ATRNL1: variants seen among roughly 807,000 people sequenced by gnomAD.
ATRNL1 encodes the protein attractin-like protein 1.
A neutral mutation model predicts 182.7 loss-of-function variants in ATRNL1; 95 were observed. That is an observed-to-expected ratio of 0.52 (90% CI 0.44 to 0.62). The LOEUF (loss-of-function observed/expected upper bound fraction) is 0.62. Among genes scored for constraint, ATRNL1 ranks in the 20% least tolerant of loss-of-function variants. ATRNL1 has a pLI of 0.00. For missense variants in ATRNL1, 1,471 were observed against 1,679.5 expected (o/e 0.88, Z 2.17); for synonymous variants, 576 against 568.3 (o/e 1.01, Z -0.19).
chr10:115,239,007 A>G (rs1850299246), intron 9 of ATRNL1, among the ~76,000 whole-genome samples: 1 of 152,066 alleles, frequency 6.6e-6, no homozygotes, highest in South Asian at 2.1e-4. Context: ...TTGTTAGCTT[A>G]TCGACATGAT....
At chr10:115,380,013 G>A (rs556651639) in intron 19 of ATRNL1, among the ~76,000 whole-genome samples, 1 of 152,150 alleles carries the variant, frequency 6.6e-6, no homozygotes, top group South Asian at 2.1e-4. Flanking sequence ...TGTATTTTTA[G>A]TAGAGACGGG....
At chr10:115,740,637 C>G (rs1555067401) in intron 27 of ATRNL1, among the ~76,000 whole-genome samples, 1 of 152,104 alleles carries the variant, frequency 6.6e-6, no homozygotes, top group Non-Finnish European at 1.5e-5. Context: ...TCTTGAGTAG[C>G]TGGGAATACA....
intron 26 of ATRNL1, among the ~76,000 whole-genome samples, chr10:115,565,462 G>T (rs1854019190): frequency 6.6e-6 from 1 of 151,994 alleles, no homozygotes; most frequent in Non-Finnish European, 1.5e-5. Flanking sequence ...GTAATTGCAT[G>T]GTTATTATGT....
intron 28 of ATRNL1, among the ~76,000 whole-genome samples, chr10:115,901,142 G>A (rs1370825302): frequency 2.6e-5 from 4 of 152,144 alleles, no homozygotes; most frequent in African/African-American, 7.2e-5. Flanking sequence ...TCTCTTAAGA[G>A]TTAATTAATT....
chr10:115,197,923 A>G (rs1206678461), intron 8 of ATRNL1, among the ~76,000 whole-genome samples: 1 of 152,162 alleles, frequency 6.6e-6, no homozygotes, highest in African/African-American at 2.4e-5. Flanking sequence ...ACTTAGGTTG[A>G]TGAGCCCTTA....
intron 26 of ATRNL1, among the ~76,000 whole-genome samples, chr10:115,581,185 A>G (rs1345080565): frequency 6.6e-6 from 1 of 152,184 alleles, no homozygotes; most frequent in African/African-American, 2.4e-5. Context: ...AATGTACCTC[A>G]CTAATCAATT....
chr10:115,604,083 T>G (rs1313254885), intron 26 of ATRNL1, among the ~76,000 whole-genome samples: 2 of 152,190 alleles, frequency 1.3e-5, no homozygotes, highest in African/African-American at 4.8e-5. Context: ...TTTACTGACT[T>G]ATTTTTCTCT....
At chr10:115,717,106 A>T (rs1555056511) in intron 26 of ATRNL1, among the ~76,000 whole-genome samples, 1 of 152,138 alleles carries the variant, frequency 6.6e-6, no homozygotes, top group East Asian at 1.9e-4. Context: ...GGCCTTTTGT[A>T]TTAAAAAAGG....
chr10:115,240,379 G>A (rs112352944), intron 9 of ATRNL1, among the ~76,000 whole-genome samples: 5,310 of 151,834 alleles, frequency 0.035, 141 homozygotes, highest in Non-Finnish European at 0.053. Flanking sequence ...AGCCTCCCGA[G>A]TAGCTGGGAC....
chr10:115,752,643 T>C (rs782624639), intron 27 of ATRNL1, among the ~76,000 whole-genome samples: 1 of 152,072 alleles, frequency 6.6e-6, no homozygotes, highest in Non-Finnish European at 1.5e-5. Context: ...CATAAGCAAG[T>C]ACTATGTTGT....
chr10:115,504,891 G>A (rs962490679), intron 24 of ATRNL1, among the ~76,000 whole-genome samples: 3 of 152,016 alleles, frequency 2.0e-5, no homozygotes, highest in Non-Finnish European at 4.4e-5. Context: ...CATGCCTATA[G>A]AAGTACATCT....
chr10:115,657,935 AT>A, intron 26 of ATRNL1, among the ~76,000 whole-genome samples: 1 of 152,258 alleles, frequency 6.6e-6, no homozygotes, highest in South Asian at 2.1e-4. Flanking sequence ...TAATAACATA[AT>A]TGTAACTCTT....
At chr10:115,407,598 G>T (rs11197203) in intron 20 of ATRNL1, among the ~76,000 whole-genome samples, 35,715 of 152,030 alleles carry the variant, frequency 0.23, 5,251 homozygotes, top group Non-Finnish European at 0.34. Context: ...ATTCCATTGT[G>T]TATATATCCT....
chr10:115,917,266 A>G (rs1485800252), intron 28 of ATRNL1, among the ~76,000 whole-genome samples: 2 of 151,876 alleles, frequency 1.3e-5, no homozygotes, highest in African/African-American at 4.8e-5. Context: ...GGAGATCGAG[A>G]CCATCCTGGC....
intron 21 of ATRNL1, among the ~76,000 whole-genome samples, chr10:115,459,479 G>C (rs978262516): frequency 6.6e-6 from 1 of 152,108 alleles, no homozygotes; most frequent in Non-Finnish European, 1.5e-5. Flanking sequence ...TTATGGTTGA[G>C]ATTGCAGAGG....
At chr10:115,406,052 A>G (rs995771424) in intron 20 of ATRNL1, among the ~76,000 whole-genome samples, 6 of 152,044 alleles carry the variant, frequency 3.9e-5, no homozygotes, top group African/African-American at 9.6e-5. Flanking sequence ...ATAGTATTCC[A>G]TGGTGTATAT....
chr10:115,097,795 G>A (rs762686459), intron 1 of ATRNL1, among the ~76,000 whole-genome samples: 5 of 152,056 alleles, frequency 3.3e-5, no homozygotes, highest in Admixed American at 2.6e-4. Flanking sequence ...GTGATGGCAC[G>A]CACCTGTAGT....
chr10:115,338,820 A>AT (rs1372230831), intron 19 of ATRNL1, among the ~76,000 whole-genome samples: 3 of 152,022 alleles, frequency 2.0e-5, no homozygotes, highest in Non-Finnish European at 2.9e-5. Context: ...TGTCCTGGAG[A>AT]TTTTTCCCCA....
At chr10:115,367,636 C>G (rs1392271575) in intron 19 of ATRNL1, among the ~76,000 whole-genome samples, 7 of 148,816 alleles carry the variant, frequency 4.7e-5, no homozygotes, top group African/African-American at 9.8e-5. Context: ...TGTTTTTTCC[C>G]CATCTTTGTG....
Sources: gnomAD v4.1 joint callset for allele counts (sites outside exome capture counted in the v4.1 genomes callset) on GRCh38, gnomAD v4.1.1 for gene constraint, MANE v1.5 for transcripts, NCBI Gene and HGNC (gene_info 2026-07-23, HGNC 2026-07-21) for gene names.